SGCZ: variants seen among roughly 807,000 people sequenced by gnomAD.
SGCZ encodes the protein zeta-sarcoglycan.
Under a neutral mutation model 41.3 loss-of-function variants are expected in SGCZ, and 40 were observed. That is an observed-to-expected ratio of 0.97 (90% CI 0.75 to 1.26). SGCZ has a LOEUF of 1.26. Ranked by LOEUF, SGCZ falls within the 50% of genes most tolerant of loss-of-function variation. SGCZ has a pLI of 0.00. For synonymous variants in SGCZ, 206 were observed against 137.5 expected (o/e 1.50, Z -3.49); for missense variants, 552 against 369.8 (o/e 1.49, Z -4.04).
intron 2 of SGCZ, among the ~76,000 whole-genome samples, chr8:14,392,488 G>C (rs543769970): frequency 8.7e-4 from 133 of 152,284 alleles, no homozygotes; most frequent in African/African-American, 3.1e-3. Context: ...GGTATTTGCT[G>C]ATGTGGAAAA....
chr8:14,237,450 C>G (rs895462563), intron 4 of SGCZ, 142 bp downstream of exon 4: 1 of 768,998 alleles, frequency 1.3e-6, no homozygotes, highest in Non-Finnish European at 2.1e-6. Context: ...CCAAAGTGCA[C>G]TCCAGCCTGG....
intron 1 of SGCZ, among the ~76,000 whole-genome samples, chr8:14,975,404 T>G (rs1801433313): frequency 6.6e-6 from 1 of 152,170 alleles, no homozygotes; most frequent in South Asian, 2.1e-4. Flanking sequence ...AATCCTCTCC[T>G]GGTTCTTATC....
chr8:15,140,296 A>G (rs376158573), intron 1 of SGCZ, among the ~76,000 whole-genome samples: 14 of 152,272 alleles, frequency 9.2e-5, no homozygotes, highest in Middle Eastern at 3.4e-3. Flanking sequence ...AAGTGCTGGA[A>G]TAACAGGTAT....
chr8:15,221,398 C>A (rs755894291), intron 1 of SGCZ, among the ~76,000 whole-genome samples: 1 of 152,064 alleles, frequency 6.6e-6, no homozygotes, highest in Non-Finnish European at 1.5e-5. Context: ...AGAACTCTTT[C>A]TCTCATCTCT....
At chr8:14,954,889 A>G (rs7822405) in intron 1 of SGCZ, among the ~76,000 whole-genome samples, 5,964 of 152,306 alleles carry the variant, frequency 0.039, 397 homozygotes, top group African/African-American at 0.14. Context: ...GATTTGTTAC[A>G]GAGTAATAGA....
chr8:14,707,005 A>G (rs1809352708), intron 1 of SGCZ, among the ~76,000 whole-genome samples: 1 of 149,794 alleles, frequency 6.7e-6, no homozygotes. Context: ...TAAGAGCAGG[A>G]GTGAAAGTTT....
At chr8:14,428,265 TTAATATAA>T (rs1799845935) in intron 2 of SGCZ, among the ~76,000 whole-genome samples, 1 of 151,892 alleles carries the variant, frequency 6.6e-6, no homozygotes, top group Non-Finnish European at 1.5e-5. Context: ...GGTAAATATA[TTAATATAA>T]TAAACGTTCA....
Position 14,647,401 on chromosome 8 carries a change from G to C in SGCZ, c.40-92475C>G, listed in dbSNP as rs867905608. ...GTAAAAGTTATAAATAGGAAGAAAA[G>C]ACTAAAAGTTTATTTCACTGATCTA... is the stretch of plus-strand genomic sequence containing the variant. On this transcript the variant is annotated intron_variant, in intron 1 of 7. Coordinates refer to ENST00000382080, the MANE Select transcript of SGCZ (RefSeq NM_139167.4). Among the ~76,000 whole-genome samples, 13 of 152,022 alleles carry C rather than the reference G, an allele frequency of 8.6e-5. 1 individual carries two copies. Among genetic ancestry groups the C allele is most frequent in the African/African-American group, 3.1e-4 (13 of 41,498 alleles).
At chr8:14,585,370 A>AT (rs1805024032) in intron 1 of SGCZ, among the ~76,000 whole-genome samples, 2 of 152,074 alleles carry the variant, frequency 1.3e-5, no homozygotes, top group Non-Finnish European at 1.5e-5. Context: ...TACTGTATTT[A>AT]TTTTACCTTT....
chr8:14,243,715 CT>C (rs563084385), intron 3 of SGCZ, among the ~76,000 whole-genome samples: 18 of 152,142 alleles, frequency 1.2e-4, no homozygotes, highest in Non-Finnish European at 2.5e-4. Context: ...ATCCATGTCT[CT>C]TTATCAGGAA....
chr8:14,652,513 A>G, intron 1 of SGCZ, among the ~76,000 whole-genome samples: 1 of 152,040 alleles, frequency 6.6e-6, no homozygotes, highest in Non-Finnish European at 1.5e-5. Flanking sequence ...AGCAATGAGT[A>G]AATTCTATGT....
chr8:14,244,285 T>C (rs1799002762), intron 3 of SGCZ, among the ~76,000 whole-genome samples: 1 of 152,124 alleles, frequency 6.6e-6, no homozygotes, highest in East Asian at 1.9e-4. Flanking sequence ...ATTCTTCTTC[T>C]TTTTCTTCCC....
At chr8:14,732,440 G>C (rs922789085) in intron 1 of SGCZ, among the ~76,000 whole-genome samples, 5 of 152,182 alleles carry the variant, frequency 3.3e-5, no homozygotes, top group Admixed American at 2.6e-4. Flanking sequence ...GACTGGTTCT[G>C]TATAAAAGAG....
In SGCZ at chr8:14,520,352, T is replaced by C. The variant is rs1802751777; in HGVS notation, c.234+34380A>G. Among the ~76,000 whole-genome samples the C allele has an allele frequency of 2.0e-5, 3 of 152,156 alleles. 1 individual carries two copies. The South Asian group carries it at 6.2e-4, about 31-fold the overall frequency. ...CAGCTATTACAATTCACAATGGTTGTAGCTCATACCAGCCCAGTAAAACTT... is the reference window on the plus strand; with the variant it reads ...CAGCTATTACAATTCACAATGGTTGCAGCTCATACCAGCCCAGTAAAACTT... On this transcript the variant is annotated intron_variant, in intron 2 of 7. Coordinates refer to ENST00000382080, the MANE Select transcript of SGCZ (RefSeq NM_139167.4).
chr8:14,202,087 TGACCTTA>T, intron 4 of SGCZ, among the ~76,000 whole-genome samples: 1 of 152,288 alleles, frequency 6.6e-6, no homozygotes, highest in South Asian at 2.1e-4. Context: ...GCTCACCGCC[TGACCTTA>T]AAATAGGGAG....
At chr8:14,838,867 G>A (rs1428866193) in intron 1 of SGCZ, among the ~76,000 whole-genome samples, 1 of 152,070 alleles carries the variant, frequency 6.6e-6, no homozygotes, top group Non-Finnish European at 1.5e-5. Flanking sequence ...TCAATTAAGA[G>A]AGTCAGCATA....
At chr8:15,136,483 G>C (rs1473941349) in intron 1 of SGCZ, among the ~76,000 whole-genome samples, 1 of 151,948 alleles carries the variant, frequency 6.6e-6, no homozygotes, top group Non-Finnish European at 1.5e-5. Context: ...GAAGGGCATT[G>C]ATATTGTTTG....
intron 2 of SGCZ, among the ~76,000 whole-genome samples, chr8:14,520,513 G>A (rs1018315088): frequency 1.3e-5 from 2 of 152,106 alleles, no homozygotes; most frequent in African/African-American, 2.4e-5. Flanking sequence ...ATTTTAAAAT[G>A]TAACAATTCT....
intron 1 of SGCZ, among the ~76,000 whole-genome samples, chr8:14,621,311 T>C (rs1377529318): frequency 6.6e-5 from 9 of 136,810 alleles, no homozygotes; most frequent in Non-Finnish European, 1.4e-4. Flanking sequence ...GGGGGAGGGA[T>C]AGCATTAGGA....
Sources: allele counts gnomAD v4.1 joint callset (sites outside exome capture counted in the v4.1 genomes callset), GRCh38; gene constraint gnomAD v4.1.1; transcripts MANE v1.5; gene names NCBI Gene and HGNC (gene_info 2026-07-23, HGNC 2026-07-21).